Variants in FCRL1 observed in about 807,000 individuals in gnomAD.
FCRL1 encodes Fc receptor like 1.
Under a neutral mutation model 49.2 loss-of-function variants are expected in FCRL1, and 34 were observed. That is an observed-to-expected ratio of 0.69 (90% confidence interval 0.53 to 0.92). The LOEUF (loss-of-function observed/expected upper bound fraction) is 0.92. Among genes scored for constraint, FCRL1 ranks in the 40% least tolerant of loss-of-function variants. FCRL1 has a pLI of 0.00. For missense variants in FCRL1, 524 were observed against 524.1 expected, an observed-to-expected ratio of 1.00 and a Z score of 0.00; for synonymous variants, 218 against 201.6, an observed-to-expected ratio of 1.08 and a Z score of -0.69.
In FCRL1 at chr1:157,802,517, A is replaced by G; in HGVS notation, c.467T>C (p.Leu156Pro). The G allele has an allele frequency of 6.2e-7, 1 of 1,614,192 alleles. No individual in the cohort carries two copies. Among genetic ancestry groups the G allele is most frequent in the South Asian group, 1.1e-5 (1 of 91,082 alleles). The change falls in exon 4 of 11, where the codon CTT becomes CCT. Residue 156 changes from leucine (L) to proline (P), a missense_variant. Coordinates refer to ENST00000368176, the MANE Select transcript of FCRL1 (RefSeq NM_052938.5). ...LWYKGAVGLN[L>P]QSKTQRSLTA... is the part of the protein sequence containing the mutation. ...CAGTGAACGCTGGGTCTTTGACTGA[A>G]GGTTTAAACCTACAGCCCCTTTGTA...
chr1:157,795,937 T>C lies in FCRL1; in HGVS notation c.*162A>G. The C allele has an allele frequency of 1.6e-6, 1 of 623,644 alleles. No homozygotes were observed. The highest frequency in any genetic ancestry group is 2.9e-6 in the Non-Finnish European group (1 of 350,472). 38.6% of individuals were successfully genotyped at this position (623,644 alleles called of 1,614,324 possible). On this transcript the variant is annotated 3_prime_UTR_variant, in exon 11 of 11. Transcript: ENST00000368176. ...TTCTCCTAGGTAGTTTCTTCAGGGC[T>C]GCGCCAACTTCACTTCACAGTAGAT...
At chr1:157,800,654 G>T (rs891367314) in intron 6 of FCRL1, among the ~76,000 whole-genome samples, 2 of 152,194 alleles carry the variant, frequency 1.3e-5, no homozygotes, top group African/African-American at 4.8e-5. Context: ...TGCAGGCTGT[G>T]CACGCCAGGT....
chr1:157,807,070 G>A, intron 2 of FCRL1, 32 bp downstream of exon 2: 1 of 1,613,372 alleles, frequency 6.2e-7, no homozygotes, highest in Non-Finnish European at 8.5e-7. Context: ...AATACCCACA[G>A]ACCTTGAAGA....
intron 7 of FCRL1, among the ~76,000 whole-genome samples, chr1:157,799,007 T>G (rs1309983366): frequency 6.6e-6 from 1 of 152,188 alleles, no homozygotes; most frequent in Non-Finnish European, 1.5e-5. Flanking sequence ...ATTTACTTAT[T>G]TATTTATTTA....
In FCRL1 at chr1:157,818,575, C is replaced by T. The variant is rs11810779; in HGVS notation, c.31+1432G>A. Among the ~76,000 whole-genome samples the T allele has an allele frequency of 5.9e-5, 9 of 151,678 alleles. 1 individual carries two copies. Among genetic ancestry groups the T allele is most frequent in the African/African-American group, 1.9e-4 (8 of 41,326 alleles). ...TTACAGTTAGATATGGGGTGTGTGT[C>T]CAGAATAGACAAATATAGAGAGACA... On this transcript the variant is annotated intron_variant, in intron 1 of 10. Coordinates refer to ENST00000368176, the MANE Select transcript of FCRL1 (RefSeq NM_052938.5).
chr1:157,796,683 C>T (rs3811025), intron 10 of FCRL1, among the ~76,000 whole-genome samples: 30,974 of 152,100 alleles, frequency 0.2, 3,380 homozygotes, highest in Non-Finnish European at 0.24. Flanking sequence ...TTACCAAATG[C>T]TAATTTTTAG....
At chr1:157,807,203 C>T (rs1653617910) in intron 1 of FCRL1, 81 bp from the exon 2 acceptor site, 7 of 1,465,844 alleles carry the variant, frequency 4.8e-6, no homozygotes, top group Non-Finnish European at 5.6e-6. Context: ...GAGAGCTTCC[C>T]CAACACCACA....
Position 157,802,095 on chromosome 1 carries a change from G to A in FCRL1, c.706C>T (p.Pro236Ser). 1 of 1,614,228 alleles carries A rather than the reference G, an allele frequency of 6.2e-7. No homozygotes were observed. The highest frequency in any genetic ancestry group is 2.2e-5 in the East Asian group (1 of 44,882). ...TGATAAAACCAGTACAGGATCGGAG[G>A]AGAGCCTCTCAGGGCCTCACAGTGA... is the stretch of plus-strand genomic sequence containing the variant. ...ELHCEALRGSPPILYWFYHED... is the reference protein window; with the variant it reads ...ELHCEALRGSSPILYWFYHED... Residue 236 changes from proline (P) to serine (S), a missense_variant, in exon 5 of 11, where the codon CCT becomes TCT. Transcript: ENST00000368176.
chr1:157,807,084 A>G lies in FCRL1; in HGVS notation c.52+18T>C. ...AAATACCCACAGACCTTGAAGAAGA[A>G]AAGGAAGTGCAACTCACCGGCAGGT... On this transcript the variant is annotated intron_variant, in intron 2 of 10. Transcript: ENST00000368176. The G allele has an allele frequency of 6.2e-7, 1 of 1,613,764 alleles. No homozygotes were observed. Among genetic ancestry groups the G allele is most frequent in the Non-Finnish European group, 8.5e-7 (1 of 1,179,812 alleles).
At chr1:157,819,231 C>T (rs777343275) in intron 1 of FCRL1, among the ~76,000 whole-genome samples, 16 of 152,068 alleles carry the variant, frequency 1.1e-4, no homozygotes, top group Admixed American at 2.0e-4. Context: ...CCTGGCATTG[C>T]TGTTGGCTAC....
Position 157,796,124 on chromosome 1 carries a change from T to C in FCRL1, c.1265A>G (p.Asp422Gly). Reference protein sequence around the residue: ...YSRLRKANITDVDYEDAM With the variant: ...YSRLRKANITGVDYEDAM ...TTACATAGCATCTTCATAGTCCACATCTGTAATGTTTGCTTTCCTCAGCCT... is the reference window on the plus strand; with the variant it reads ...TTACATAGCATCTTCATAGTCCACACCTGTAATGTTTGCTTTCCTCAGCCT... The change falls in exon 11 of 11, where the codon GAT becomes GGT. Residue 422 changes from aspartate (D) to glycine (G), a missense_variant. Transcript: ENST00000368176. 6.2e-7 allele frequency: 1 copy of C among 1,614,066 alleles called. No individual in the cohort carries two copies. The highest frequency in any genetic ancestry group is 8.5e-7 in the Non-Finnish European group (1 of 1,179,938).
intron 2 of FCRL1, among the ~76,000 whole-genome samples, chr1:157,805,274 G>A (rs1013347424): frequency 6.6e-6 from 1 of 152,104 alleles, no homozygotes; most frequent in African/African-American, 2.4e-5. Context: ...GGCTGTGTGG[G>A]CATTTGTTTA....
At chr1:157,813,964 C>G (rs1235670451) in intron 1 of FCRL1, among the ~76,000 whole-genome samples, 1 of 151,940 alleles carries the variant, frequency 6.6e-6, no homozygotes, top group Non-Finnish European at 1.5e-5. Flanking sequence ...AAACTTTCAG[C>G]AAGAATACTA....
intron 7 of FCRL1, 102 bp downstream of exon 7, chr1:157,799,956 A>G (rs1652161906): frequency 2.0e-6 from 2 of 1,024,642 alleles, no homozygotes; most frequent in Non-Finnish European, 2.8e-6. Flanking sequence ...TTCTGGGTAT[A>G]ATAAAGCCGG....
intron 7 of FCRL1, 84 bp downstream of exon 7, chr1:157,799,974 A>G (rs1238668568): frequency 2.3e-6 from 3 of 1,296,684 alleles, no homozygotes; most frequent in Non-Finnish European, 3.2e-6. Context: ...CGGAAAAAAA[A>G]TGCTCAGGAG....
intron 9 of FCRL1, 178 bp downstream of exon 9, chr1:157,797,690 A>G: frequency 6.8e-7 from 1 of 1,477,364 alleles, no homozygotes; most frequent in South Asian, 1.2e-5. Context: ...CCTTAGCATT[A>G]GCTCTGGGCT....
intron 8 of FCRL1, 100 bp from the exon 9 acceptor site, chr1:157,798,039 T>A: frequency 6.6e-7 from 1 of 1,511,018 alleles, no homozygotes; most frequent in South Asian, 1.1e-5. Context: ...GACAGATGAG[T>A]CATTTGTTTG....
chr1:157,802,759 G>T (rs1652750672), intron 3 of FCRL1, 95 bp from the exon 4 acceptor site: 2 of 1,315,272 alleles, frequency 1.5e-6, no homozygotes, highest in African/African-American at 2.9e-5. Context: ...AAGAGCATGA[G>T]TGAAGTCAAT....
At chr1:157,801,684 GATTT>G in intron 5 of FCRL1, 107 bp from the exon 6 acceptor site, 1 of 913,448 alleles carries the variant, frequency 1.1e-6, no homozygotes, top group Non-Finnish European at 1.7e-6. Flanking sequence ...TCCAAGTGGG[GATTT>G]ATTTATTTGT....
Sources: gnomAD v4.1 joint callset for allele counts (sites outside exome capture counted in the v4.1 genomes callset) on GRCh38, gnomAD v4.1.1 for gene constraint, MANE v1.5 for transcripts, NCBI Gene and HGNC (gene_info 2026-07-23, HGNC 2026-07-21) for gene names.